The following TRIM62 variants were observed in gnomAD, a reference collection of about 807,000 sequenced individuals.
TRIM62 encodes tripartite motif containing 62.
TRIM62 carries 39 observed loss-of-function variants against 44.2 expected under a neutral mutation model. That is an observed-to-expected ratio of 0.88 (90% confidence interval 0.68 to 1.15). The LOEUF (loss-of-function observed/expected upper bound fraction) is 1.15. Ranked by LOEUF, TRIM62 falls within the 50% of genes most tolerant of loss-of-function variation. The pLI is 0.00. For missense variants in TRIM62, 544 were observed against 665.5 expected, an observed-to-expected ratio of 0.82 and a Z score of 2.01; for synonymous variants, 278 against 292.3, an observed-to-expected ratio of 0.95 and a Z score of 0.50.
chr1:33,147,302 T>C lies in TRIM62; in HGVS notation c.1303A>G (p.Met435Val), dbSNP rs375728015. ...GLLIFYNADD[M>V]SWLYTFREKF... ...TCGCGGAAGGTGTAGAGCCAGGACA[T>C]GTCATCAGCATTGTAGAAGATGAGC... The change falls in exon 5 of 5, where the codon ATG becomes GTG. Residue 435 changes from methionine (M) to valine (V), a missense_variant. Met to Val is a conservative substitution (Grantham distance 21). Transcript: ENST00000291416. The surrounding 1 kb of genome is among the most constrained non-coding windows in gnomAD (Gnocchi z 8.1). The C allele has an allele frequency of 9.9e-6, 16 of 1,614,044 alleles. No homozygotes were observed. The highest frequency in any genetic ancestry group is 1.2e-5 in the Non-Finnish European group (14 of 1,180,046).
chr1:33,181,593 G>C lies in TRIM62; in HGVS notation c.-161C>G. On this transcript the variant is annotated 5_prime_UTR_variant, in exon 1 of 5. Coordinates refer to ENST00000291416, the MANE Select transcript of TRIM62 (RefSeq NM_018207.3). The surrounding 1 kb of genome is among the most constrained non-coding windows in gnomAD (Gnocchi z 6.5). ...GGGAGGGGGTGCTGTCCGGAAGGAGGGTAACGCGAGGAAGGGGTGCGCGGC... is the reference window on the plus strand; with the variant it reads ...GGGAGGGGGTGCTGTCCGGAAGGAGCGTAACGCGAGGAAGGGGTGCGCGGC... 7.6e-7 allele frequency: 1 copy of C among 1,312,832 alleles called. No individual in the cohort carries two copies. Among genetic ancestry groups the C allele is most frequent in the Non-Finnish European group, 1.0e-6 (1 of 1,002,236 alleles). The allele number at this position is 1,312,832 out of a possible 1,614,324, so 81.3% of individuals were successfully genotyped here. A position where few individuals can be genotyped will look rare whatever the true frequency, so the allele number is the denominator to read the frequency against.
intron 4 of TRIM62, among the ~76,000 whole-genome samples, chr1:33,151,438 T>C (rs1033512407): frequency 4.0e-5 from 6 of 151,786 alleles, no homozygotes; most frequent in Non-Finnish European, 7.4e-5. Context: ...TAACACAGGG[T>C]CTTGGCTCCT....
In TRIM62 at chr1:33,147,772, TGTGGACCCACCATGCA is replaced by T. The variant is rs749973709; in HGVS notation, c.878-61_878-46del. Reference sequence around the variant, plus strand: ...GAGAGAAGATGAGTGGGGAGAAGGCTGTGGACCCACCATGCAGTGCCTTCCTGAGGGCAGAGTTCTG... The same window carrying T: ...GAGAGAAGATGAGTGGGGAGAAGGCTGTGCCTTCCTGAGGGCAGAGTTCTG... On this transcript the variant is annotated intron_variant, in intron 4 of 4. Transcript: ENST00000291416. The surrounding 1 kb of genome is among the most constrained non-coding windows in gnomAD (Gnocchi z 8.1). 9 of 1,577,236 alleles carry T rather than the reference TGTGGACCCACCATGCA, an allele frequency of 5.7e-6. No individual in the cohort carries two copies. The African/African-American group carries it at 9.4e-5, about 16-fold the overall frequency.
At position 33,151,321 on chromosome 1, in the gene TRIM62, C is replaced by T. The variant is rs528261555; in HGVS notation, c.878-3594G>A. On this transcript the variant is annotated intron_variant, in intron 4 of 4. Transcript: ENST00000291416. ...GGGCAGGGCCTGCCACTCTCTTAGG[C>T]GGGGGTGTGGCCTGACTCTTAGGAG... Among the ~76,000 whole-genome samples, 126 of 152,164 alleles carry T rather than the reference C, an allele frequency of 8.3e-4. 2 individuals are homozygous for T. Among genetic ancestry groups the T allele is most frequent in the African/African-American group, 2.7e-3 (112 of 41,506 alleles).
chr1:33,175,042 T>TATATGC (rs1421419782), intron 1 of TRIM62, among the ~76,000 whole-genome samples: 1 of 151,404 alleles, frequency 6.6e-6, no homozygotes, highest in Non-Finnish European at 1.5e-5. Flanking sequence ...TATGTATATG[T>TATATGC]ATATGTATTT....
At chr1:33,175,876 T>G (rs1444880636) in intron 1 of TRIM62, among the ~76,000 whole-genome samples, 1 of 152,196 alleles carries the variant, frequency 6.6e-6, no homozygotes, top group Non-Finnish European at 1.5e-5. Flanking sequence ...AGTCATTGTT[T>G]CATCATTGTT....
chr1:33,155,284 C>A (rs1196964687), intron 4 of TRIM62, among the ~76,000 whole-genome samples: 2 of 151,852 alleles, frequency 1.3e-5, no homozygotes, highest in Non-Finnish European at 2.9e-5. Flanking sequence ...GTTGGCCAGG[C>A]TGGTCTCGAA....
At position 33,146,875 on chromosome 1, in the gene TRIM62, C is replaced by G; in HGVS notation, c.*302G>C. The G allele has an allele frequency of 2.4e-6, 1 of 412,562 alleles. No homozygotes were observed. The highest frequency in any genetic ancestry group is 4.5e-6 in the Non-Finnish European group (1 of 224,528). 25.6% of individuals were successfully genotyped at this position (412,562 alleles called of 1,614,324 possible). A position where few individuals can be genotyped will look rare whatever the true frequency, so the allele number is the denominator to read the frequency against. Reference sequence around the variant, plus strand: ...GGAGGGAGACACTGGAAGGTAGTCCCCTGCCCCTGAGAAGATGGGGATGAG... The same window carrying G: ...GGAGGGAGACACTGGAAGGTAGTCCGCTGCCCCTGAGAAGATGGGGATGAG... On this transcript the variant is annotated 3_prime_UTR_variant, in exon 5 of 5. Coordinates refer to ENST00000291416, the MANE Select transcript of TRIM62 (RefSeq NM_018207.3).
intron 1 of TRIM62, among the ~76,000 whole-genome samples, chr1:33,180,164 G>C (rs540131702): frequency 6.6e-6 from 1 of 152,066 alleles, no homozygotes; most frequent in Non-Finnish European, 1.5e-5. Flanking sequence ...TGCATGTACC[G>C]TTTCACTTAG....
chr1:33,157,771 T>G (rs1040858061), intron 4 of TRIM62, among the ~76,000 whole-genome samples: 4 of 152,000 alleles, frequency 2.6e-5, no homozygotes, highest in African/African-American at 7.3e-5. Context: ...CTTCCTTTTT[T>G]TCCGAGATGG....
chr1:33,152,074 G>A (rs1046298526), intron 4 of TRIM62, among the ~76,000 whole-genome samples: 4 of 152,240 alleles, frequency 2.6e-5, no homozygotes, highest in African/African-American at 4.8e-5. Context: ...ACTAGCTCAT[G>A]GGAGCACCAC....
At chr1:33,173,263 C>T (rs1000731743) in intron 1 of TRIM62, among the ~76,000 whole-genome samples, 1 of 152,224 alleles carries the variant, frequency 6.6e-6, no homozygotes, top group African/African-American at 2.4e-5. Flanking sequence ...GGGTCTCCCA[C>T]CAGCTCCCCT....
Position 33,159,902 on chromosome 1 carries a change from C to T in TRIM62, c.547G>A (p.Glu183Lys), listed in dbSNP as rs780587796. The T allele has an allele frequency of 1.3e-5, 21 of 1,609,268 alleles. No homozygotes were observed. Among genetic ancestry groups the T allele is most frequent in the Middle Eastern group, 1.6e-4 (1 of 6,084 alleles). Reference protein sequence around the residue: ...SLRTTIGEAFERLHRLLRERQ... With the variant: ...SLRTTIGEAFKRLHRLLRERQ... ...TCACGCAGCAGCCGGTGCAGCCGCT[C>T]GAAGGCCTCGCCGATAGTGGTCCGC... Residue 183 changes from glutamate to lysine, a missense_variant, in exon 3 of 5, where the codon GAG (glutamate) becomes AAG (lysine). Glu to Lys is a moderately conservative substitution (Grantham distance 56). Transcript: ENST00000291416. The surrounding 1 kb of genome is among the most constrained non-coding windows in gnomAD (Gnocchi z 4.2).
intron 1 of TRIM62, among the ~76,000 whole-genome samples, chr1:33,170,967 C>T (rs190253612): frequency 3.9e-5 from 6 of 152,330 alleles, no homozygotes; most frequent in African/African-American, 1.2e-4. Flanking sequence ...GTCCCGTATG[C>T]GGCTCCCTAG....
In TRIM62 at chr1:33,146,834, AG is replaced by A; in HGVS notation, c.*342del. The A allele has an allele frequency of 3.0e-6, 1 of 335,074 alleles. No individual in the cohort carries two copies. 20.8% of individuals were successfully genotyped at this position (335,074 alleles called of 1,614,324 possible). A position where few individuals can be genotyped will look rare whatever the true frequency, so the allele number is the denominator to read the frequency against. ...ACTGGCCATGCTCTGACACTTCCTG[AG>A]GTCAGGGCTGGGCTGGAGGGAGACA... On this transcript the variant is annotated 3_prime_UTR_variant, in exon 5 of 5. Transcript: ENST00000291416.
Position 33,164,955 on chromosome 1 carries a change from A to AT in TRIM62, c.504+515dup, listed in dbSNP as rs5773394. ...GTGCCACTACGCCTGGCTATATTCA[A>AT]TTTTTTTTTTTTTTTTTGTAGAGAA... On this transcript the variant is annotated intron_variant, in intron 2 of 4. Coordinates refer to ENST00000291416, the MANE Select transcript of TRIM62 (RefSeq NM_018207.3). 267 of 124,838 alleles carry AT rather than the reference A, an allele frequency of 2.1e-3. 1 individual carries two copies. Among genetic ancestry groups the AT allele is most frequent in the African/African-American group, 5.9e-3 (206 of 34,998 alleles). 7.7% of individuals were successfully genotyped at this position (124,838 alleles called of 1,614,324 possible). A position where few individuals can be genotyped will look rare whatever the true frequency, so the allele number is the denominator to read the frequency against.
At position 33,153,342 on chromosome 1, in the gene TRIM62, A is replaced by C. The variant is rs986166841; in HGVS notation, c.877+4911T>G. ...TGCTCTGGGCAGGATGTTGGAGCAC[A>C]GTCTGTTCCTCCCTCAGCTCCTCTC... On this transcript the variant is annotated intron_variant, in intron 4 of 4. Transcript: ENST00000291416. Among the ~76,000 whole-genome samples, 38 of 152,352 alleles carry C rather than the reference A, an allele frequency of 2.5e-4. 1 individual carries two copies. The highest frequency in any genetic ancestry group is 8.4e-4 in the African/African-American group (35 of 41,582).
chr1:33,165,448 C>G lies in TRIM62; in HGVS notation c.504+23G>C. On this transcript the variant is annotated intron_variant, in intron 2 of 4. Coordinates refer to ENST00000291416, the MANE Select transcript of TRIM62 (RefSeq NM_018207.3). This position sits in a 1 kb window ranked among gnomAD's most constrained non-coding sequence, Gnocchi z 4.0. ...CTGCCCTCATCTCTGCCGGCCCCAC[C>G]TCCGCGCCCCGGCCAGGCTCACCTT... 1 of 1,564,180 alleles carries G rather than the reference C, an allele frequency of 6.4e-7. No homozygotes were observed. The highest frequency in any genetic ancestry group is 8.7e-7 in the Non-Finnish European group (1 of 1,153,618).
At position 33,145,997 on chromosome 1, in the gene TRIM62, A is replaced by G. The variant is rs1570276951; in HGVS notation, c.*1180T>C. 2.2e-6 allele frequency: 1 copy of G among 459,900 alleles called. No individual in the cohort carries two copies. The highest frequency in any genetic ancestry group is 7.0e-5 in the East Asian group (1 of 14,254). 28.5% of individuals were successfully genotyped at this position (459,900 alleles called of 1,614,324 possible). A position where few individuals can be genotyped will look rare whatever the true frequency, so the allele number is the denominator to read the frequency against. ...GAGAGGGGCAGGCCTCAGGACATCT[A>G]TTGGCTGGCACGGACCGTGGCAGAG... is the stretch of plus-strand genomic sequence containing the variant. On this transcript the variant is annotated 3_prime_UTR_variant, in exon 5 of 5. Transcript: ENST00000291416.
Sources: gnomAD v4.1 joint callset for allele counts (sites outside exome capture counted in the v4.1 genomes callset) on GRCh38, gnomAD v4.1.1 for gene constraint, Gnocchi (gnomAD v3.1) non-coding constraint, MANE v1.5 for transcripts, NCBI Gene and HGNC (gene_info 2026-07-23, HGNC 2026-07-21) for gene names.